Variants in ADAM17 observed in about 807,000 individuals in gnomAD.
ADAM17 encodes ADAM metallopeptidase domain 17.
In ADAM17, 39 loss-of-function variants were observed where a neutral mutation model predicts 96.7. That is an observed-to-expected ratio of 0.40 (90% confidence interval 0.31 to 0.53). ADAM17 has a LOEUF of 0.53. Among genes scored for constraint, ADAM17 ranks in the 20% least tolerant of loss-of-function variants. ADAM17 has a pLI of 0.44. For missense variants in ADAM17, 777 were observed against 1,013.2 expected (o/e 0.77, Z 3.17); for synonymous variants, 344 against 359.2 (o/e 0.96, Z 0.48).
chr2:9,491,068 G>A lies in ADAM17; in HGVS notation c.2133+33C>T, dbSNP rs772069221. On this transcript the variant is annotated intron_variant, in intron 18 of 18. Coordinates refer to ENST00000310823, the MANE Select transcript of ADAM17 (RefSeq NM_003183.6). ...TGCCTAACAGGGCCTCAGACCAGGC[G>A]AAGATTATGTTTCTTTCATATGGTA... The A allele has an allele frequency of 9.4e-6, 15 of 1,598,762 alleles. No homozygotes were observed. The East Asian group carries it at 1.1e-4, about 12-fold the overall frequency.
At chr2:9,515,143 AC>A (rs1176479689) in intron 10 of ADAM17, among the ~76,000 whole-genome samples, 1 of 152,194 alleles carries the variant, frequency 6.6e-6, no homozygotes, top group African/African-American at 2.4e-5. Context: ...CAGAGTAATT[AC>A]CCTGCTCTCC....
At position 9,490,215 on chromosome 2, in the gene ADAM17, G is replaced by A. The variant is rs764050476; in HGVS notation, c.2437C>T (p.Arg813Cys). ...SEKAASFKLQ[R>C]QNRVDSKETE... The stretch of plus-strand genomic sequence containing the variant: ...TCTTTGCTGTCAACACGATTCTGAC[G>A]CTGCAGTTTAAAGGAGGCAGCCTTT... Residue 813 changes from arginine (R) to cysteine (C), a missense_variant, in exon 19 of 19, where the codon CGT (arginine) becomes TGT (cysteine). Physicochemically the swap from Arg to Cys is radical, Grantham distance 180. This residue lies in a region of ADAM17 where 197 missense variants were observed against 219.4 expected (regional missense o/e 0.90). Transcript: ENST00000310823. The A allele has an allele frequency of 1.4e-5, 22 of 1,600,180 alleles. No homozygotes were observed. Among genetic ancestry groups the A allele is most frequent in the South Asian group, 3.3e-5 (3 of 90,880 alleles).
intron 10 of ADAM17, among the ~76,000 whole-genome samples, chr2:9,511,080 T>C (rs186148219): frequency 1.3e-5 from 2 of 152,128 alleles, no homozygotes; most frequent in Non-Finnish European, 2.9e-5. Flanking sequence ...CCTCCTCACA[T>C]GCCCCTCGGC....
intron 10 of ADAM17, among the ~76,000 whole-genome samples, chr2:9,516,163 T>C (rs1419892223): frequency 6.6e-6 from 1 of 152,258 alleles, no homozygotes; most frequent in East Asian, 1.9e-4. Context: ...GTATCTGTTC[T>C]GCTCTTTTGT....
chr2:9,517,846 G>A, intron 10 of ADAM17, 55 bp downstream of exon 10: 3 of 1,188,246 alleles, frequency 2.5e-6, no homozygotes, highest in South Asian at 3.9e-5. Flanking sequence ...ATATATAACT[G>A]AGGTTCTACT....
chr2:9,514,446 T>C (rs1663924119), intron 10 of ADAM17, among the ~76,000 whole-genome samples: 1 of 144,358 alleles, frequency 6.9e-6, no homozygotes, highest in Non-Finnish European at 1.5e-5. Context: ...CACACCAACA[T>C]GGCACATGTA....
chr2:9,498,725 G>C (rs918591872), intron 13 of ADAM17, among the ~76,000 whole-genome samples: 1 of 152,172 alleles, frequency 6.6e-6, no homozygotes. Flanking sequence ...AACTATTACT[G>C]AAAGTATGAT....
chr2:9,495,747 A>C (rs1256317438), intron 14 of ADAM17, among the ~76,000 whole-genome samples: 2 of 151,748 alleles, frequency 1.3e-5, no homozygotes, highest in African/African-American at 2.4e-5. Context: ...ATCATTCACT[A>C]ATTTATAAAA....
In ADAM17 at chr2:9,492,986, C is replaced by G. The variant is rs745903113; in HGVS notation, c.1994G>C (p.Gly665Ala). 6.2e-7 allele frequency: 1 copy of G among 1,608,252 alleles called. No homozygotes were observed. The highest frequency in any genetic ancestry group is 1.1e-5 in the South Asian group (1 of 89,854). Residue 665 changes from glycine (G) to alanine (A), a missense_variant and splice_region_variant, in exon 17 of 19, where the codon GGA becomes GCA. This residue lies in a region of ADAM17 where 197 missense variants were observed against 219.4 expected (regional missense o/e 0.90). Coordinates refer to ENST00000310823, the MANE Select transcript of ADAM17 (RefSeq NM_003183.6). ...AACGATGTTGTCTGCTAAAAACTTT[C>G]CTGTGAACAATTCCAAACAGTTAAT... ...FIDQLSINTF[G>A]KFLADNIVGS...
intron 6 of ADAM17, among the ~76,000 whole-genome samples, chr2:9,525,378 G>A (rs1664481975): frequency 6.6e-6 from 1 of 151,882 alleles, no homozygotes; most frequent in African/African-American, 2.4e-5. Flanking sequence ...TGGACAGCAT[G>A]GGAAAAGCAA....
chr2:9,523,898 C>G (rs1048342052), intron 6 of ADAM17, among the ~76,000 whole-genome samples: 10 of 149,262 alleles, frequency 6.7e-5, no homozygotes, highest in Non-Finnish European at 8.9e-5. Context: ...TTTCAAGAGA[C>G]AAGGTCTTGC....
chr2:9,554,075 T>A (rs1428917548), intron 1 of ADAM17, among the ~76,000 whole-genome samples: 7 of 147,398 alleles, frequency 4.7e-5, no homozygotes, highest in Admixed American at 1.4e-4. Flanking sequence ...AAAAAAAAAA[T>A]GGTCTAAAAA....
chr2:9,547,888 C>CA (rs1440369426), intron 1 of ADAM17, among the ~76,000 whole-genome samples: 1 of 151,558 alleles, frequency 6.6e-6, no homozygotes, highest in African/African-American at 2.4e-5. Flanking sequence ...CCGTCTCTAC[C>CA]AAAAAAATAA....
chr2:9,524,653 C>T (rs922525810), intron 6 of ADAM17, among the ~76,000 whole-genome samples: 2 of 152,160 alleles, frequency 1.3e-5, no homozygotes, highest in African/African-American at 4.8e-5. Flanking sequence ...AAGTAAGGGG[C>T]CGTGGCAGAC....
intron 13 of ADAM17, 80 bp from the exon 14 acceptor site, chr2:9,497,328 C>T: frequency 6.4e-7 from 1 of 1,561,516 alleles, no homozygotes; most frequent in South Asian, 1.2e-5. Flanking sequence ...CGCTGTTTCT[C>T]ATACAAGTGA....
At chr2:9,533,503 C>T (rs1194410596) in intron 4 of ADAM17, among the ~76,000 whole-genome samples, 3 of 152,088 alleles carry the variant, frequency 2.0e-5, no homozygotes, top group East Asian at 1.9e-4. Flanking sequence ...GCTGAGATCA[C>T]GCCACTGCAC....
intron 1 of ADAM17, among the ~76,000 whole-genome samples, chr2:9,552,238 C>A (rs1219766779): frequency 6.6e-6 from 1 of 152,172 alleles, no homozygotes; most frequent in Non-Finnish European, 1.5e-5. Context: ...AAATCAACCA[C>A]AATTGGCCTT....
chr2:9,521,327 A>G lies in ADAM17; in HGVS notation c.844-11T>C, dbSNP rs761726772. On this transcript the variant is annotated splice_polypyrimidine_tract_variant and intron_variant, in intron 7 of 18. Coordinates refer to ENST00000310823, the MANE Select transcript of ADAM17 (RefSeq NM_003183.6). ...CTTGAGAATGCGAATCTATACTTAA[A>G]GAGATCATATACTTAGAACACTTCC... 3 of 1,546,474 alleles carry G rather than the reference A, an allele frequency of 1.9e-6. No homozygotes were observed. The highest frequency in any genetic ancestry group is 2.2e-5 in the South Asian group (2 of 89,682).
chr2:9,522,958 G>A (rs1297108256), intron 7 of ADAM17, among the ~76,000 whole-genome samples: 2 of 152,094 alleles, frequency 1.3e-5, no homozygotes, highest in Non-Finnish European at 2.9e-5. Context: ...AAGCATAATC[G>A]GAGGGGGGAA....
Sources: allele counts gnomAD v4.1 joint callset (sites outside exome capture counted in the v4.1 genomes callset), GRCh38; gene constraint gnomAD v4.1.1; regional missense constraint gnomAD v4.1.1; transcripts MANE v1.5; gene names NCBI Gene and HGNC (gene_info 2026-07-23, HGNC 2026-07-21).